The following TRDN variants were observed in gnomAD, a reference collection of about 807,000 sequenced individuals.
TRDN encodes triadin in skeletal muscle.
Under a neutral mutation model 149.7 loss-of-function variants are expected in TRDN, and 161 were observed. That is an observed-to-expected ratio of 1.08 (90% CI 0.95 to 1.23). The LOEUF (loss-of-function observed/expected upper bound fraction) is 1.23. Among genes scored for constraint, TRDN ranks in the 50% most tolerant of loss-of-function variants. The pLI, the probability that TRDN is intolerant of heterozygous loss-of-function variation, is 0.00. For synonymous variants in TRDN, 294 were observed against 250.5 expected, an observed-to-expected ratio of 1.17 and a Z score of -1.64; for missense variants, 896 against 823.5, an observed-to-expected ratio of 1.09 and a Z score of -1.08.
At chr6:123,439,432 T>C (rs190763379) in intron 10 of TRDN, among the ~76,000 whole-genome samples, 1 of 152,326 alleles carries the variant, frequency 6.6e-6, no homozygotes, top group Admixed American at 6.5e-5. Flanking sequence ...TTAGAAATAA[T>C]ATATTAGACC....
intron 1 of TRDN, among the ~76,000 whole-genome samples, chr6:123,609,654 C>T (rs902168806): frequency 6.6e-6 from 1 of 152,134 alleles, no homozygotes; most frequent in Non-Finnish European, 1.5e-5. Flanking sequence ...TCCAAACTGA[C>T]TTGAATTGGT....
intron 12 of TRDN, among the ~76,000 whole-genome samples, chr6:123,413,440 G>A (rs999213071): frequency 3.3e-5 from 5 of 152,170 alleles, no homozygotes; most frequent in African/African-American, 1.2e-4. Flanking sequence ...GAAAGTACTG[G>A]TTATAAAAAA....
intron 1 of TRDN, among the ~76,000 whole-genome samples, chr6:123,622,620 A>G (rs1015984998): frequency 6.6e-6 from 1 of 152,114 alleles, no homozygotes; most frequent in African/African-American, 2.4e-5. Flanking sequence ...ATGTTTTTAA[A>G]CACTGAACTG....
chr6:123,483,203 C>T (rs1777838832), intron 9 of TRDN, among the ~76,000 whole-genome samples: 1 of 150,932 alleles, frequency 6.6e-6, no homozygotes, highest in South Asian at 2.1e-4. Context: ...CCCAGGTTCA[C>T]GCCATTCTCC....
At chr6:123,278,626 C>A (rs1013851893) in intron 25 of TRDN, among the ~76,000 whole-genome samples, 4 of 152,086 alleles carry the variant, frequency 2.6e-5, no homozygotes, top group Non-Finnish European at 5.9e-5. Flanking sequence ...GAAGGCCAGC[C>A]AGGTGTGTTG....
At chr6:123,325,475 G>A (rs1779408667) in intron 23 of TRDN, among the ~76,000 whole-genome samples, 1 of 152,062 alleles carries the variant, frequency 6.6e-6, no homozygotes, top group South Asian at 2.1e-4. Context: ...CGTAGAGGAG[G>A]ACAATGACAT....
At chr6:123,448,503 A>G (rs9490757) in intron 10 of TRDN, among the ~76,000 whole-genome samples, 22,893 of 151,892 alleles carry the variant, frequency 0.15, 2,242 homozygotes, top group African/African-American at 0.28. Flanking sequence ...CTCAGCAGAG[A>G]CAGCCATAAT....
chr6:123,547,407 A>G, intron 3 of TRDN, 35 bp from the exon 4 acceptor site: 9 of 1,288,874 alleles, frequency 7.0e-6, no homozygotes, highest in Non-Finnish European at 8.3e-6. Context: ...AAAGTTAGAA[A>G]ATATTTTAGC....
chr6:123,575,661 G>C (rs1189747541), intron 1 of TRDN, among the ~76,000 whole-genome samples: 1 of 152,026 alleles, frequency 6.6e-6, no homozygotes, highest in African/African-American at 2.4e-5. Context: ...CTCAAAAGAA[G>C]TAGGGATCTC....
At position 123,636,701 on chromosome 6, in the gene TRDN, G is replaced by A. The variant is rs1786338750; in HGVS notation, c.22+53C>T. ...CACATCGACAGTTAATGTGGCTGTC[G>A]ATTTGCATATTTTTTTTCCTTACTT... On this transcript the variant is annotated intron_variant, in intron 1 of 40. Transcript: ENST00000334268. 8 of 1,600,776 alleles carry A rather than the reference G, an allele frequency of 5.0e-6. No individual in the cohort carries two copies. In the Admixed American group the frequency reaches 8.4e-5, roughly 17 times the overall value.
intron 16 of TRDN, among the ~76,000 whole-genome samples, chr6:123,378,978 C>T (rs78899425): frequency 0.016 from 2,395 of 152,234 alleles, 23 homozygotes; most frequent in Non-Finnish European, 0.022. Flanking sequence ...ACATGAAGTG[C>T]TATCATCTAC....
intron 22 of TRDN, among the ~76,000 whole-genome samples, chr6:123,333,562 A>G (rs1779744895): frequency 6.6e-6 from 1 of 152,062 alleles, no homozygotes; most frequent in Non-Finnish European, 1.5e-5. Context: ...TTTCCTACAG[A>G]TCATTGATTC....
intron 9 of TRDN, among the ~76,000 whole-genome samples, chr6:123,496,924 A>G (rs933079150): frequency 6.6e-6 from 1 of 152,096 alleles, no homozygotes; most frequent in Admixed American, 6.5e-5. Flanking sequence ...TCAAGACATT[A>G]TTAAAGATTT....
intron 12 of TRDN, among the ~76,000 whole-genome samples, chr6:123,411,386 A>G (rs1417060638): frequency 6.6e-6 from 1 of 152,160 alleles, no homozygotes; most frequent in Non-Finnish European, 1.5e-5. Flanking sequence ...TGGCAAATAA[A>G]GGGTCCTTCA....
chr6:123,446,818 T>A (rs1775406057), intron 10 of TRDN, among the ~76,000 whole-genome samples: 1 of 152,158 alleles, frequency 6.6e-6, no homozygotes, highest in South Asian at 2.1e-4. Flanking sequence ...CTTTGGCTGT[T>A]GCTAGGTGGT....
rs1043136771 is a variant in TRDN, at chr6:123,272,918, A to G, written c.1672+46T>C. 1.1e-5 allele frequency: 14 copies of G among 1,327,126 alleles called. No individual in the cohort carries two copies. The African/African-American group carries it at 2.1e-4, about 20-fold the overall frequency. The allele number at this position is 1,327,126 out of a possible 1,614,324, so 82.2% of individuals were successfully genotyped here. On this transcript the variant is annotated intron_variant, in intron 29 of 40. Coordinates refer to ENST00000334268, the MANE Select transcript of TRDN (RefSeq NM_006073.4). Reference sequence around the variant, plus strand: ...AAACTCTTCCTTCTGCTAAAATTAGAACATTGAGAGGTTATTTGAGACTAC... The same window carrying G: ...AAACTCTTCCTTCTGCTAAAATTAGGACATTGAGAGGTTATTTGAGACTAC...
At chr6:123,233,061 C>G (rs1254152597) in intron 38 of TRDN, among the ~76,000 whole-genome samples, 1 of 152,106 alleles carries the variant, frequency 6.6e-6, no homozygotes, top group Non-Finnish European at 1.5e-5. Flanking sequence ...CAGCCCTCTT[C>G]CTTTATCAAA....
At chr6:123,633,153 C>A (rs990687566) in intron 1 of TRDN, among the ~76,000 whole-genome samples, 11 of 152,088 alleles carry the variant, frequency 7.2e-5, no homozygotes, top group Admixed American at 3.3e-4. Context: ...TTGAACTAAG[C>A]GTTCTAGTAA....
intron 21 of TRDN, among the ~76,000 whole-genome samples, chr6:123,343,272 TTC>T (rs1280716685): frequency 1.3e-5 from 2 of 152,038 alleles, no homozygotes; most frequent in Non-Finnish European, 2.9e-5. Context: ...TTATAATAAC[TTC>T]TGATTATCCA....
Sources: gnomAD v4.1 joint callset for allele counts (sites outside exome capture counted in the v4.1 genomes callset) on GRCh38, gnomAD v4.1.1 for gene constraint, MANE v1.5 for transcripts, NCBI Gene and HGNC (gene_info 2026-07-23, HGNC 2026-07-21) for gene names.